Variants in PRICKLE2 observed in about 807,000 individuals in gnomAD.
PRICKLE2 encodes the protein prickle planar cell polarity protein 2, also known as prickle-like protein 2.
Under a neutral mutation model 81.4 loss-of-function variants are expected in PRICKLE2, and 21 were observed. The observed-to-expected ratio is 0.26, with a 90% CI of 0.18 to 0.37. PRICKLE2 has a LOEUF of 0.37. Ranked by LOEUF, PRICKLE2 falls within the 10% of genes least tolerant of loss-of-function variation. PRICKLE2 has a pLI of 1.00. For missense variants in PRICKLE2, 940 were observed against 1,109.0 expected, an observed-to-expected ratio of 0.85 and a Z score of 2.16; for synonymous variants, 456 against 421.5, an observed-to-expected ratio of 1.08 and a Z score of -1.00.
chr3:64,197,003 G>A (rs866450899), intron 2 of PRICKLE2, among the ~76,000 whole-genome samples: 10 of 152,122 alleles, frequency 6.6e-5, no homozygotes, highest in East Asian at 1.9e-4. Flanking sequence ...AAATCCTACC[G>A]TGTCCCTGAT....
At chr3:64,122,190 G>A (rs1450652361) in intron 7 of PRICKLE2, among the ~76,000 whole-genome samples, 1 of 152,186 alleles carries the variant, frequency 6.6e-6, no homozygotes, top group African/African-American at 2.4e-5. Context: ...GGGGTAGTTT[G>A]TTGACAGAAA....
chr3:64,220,071 A>G (rs934241639), intron 1 of PRICKLE2, among the ~76,000 whole-genome samples: 3 of 152,194 alleles, frequency 2.0e-5, no homozygotes, highest in African/African-American at 7.2e-5. Context: ...GACACCCAAA[A>G]CATACATTGC....
chr3:64,189,755 C>G (rs2107096949), intron 2 of PRICKLE2, among the ~76,000 whole-genome samples: 1 of 152,306 alleles, frequency 6.6e-6, no homozygotes, highest in South Asian at 2.1e-4. Flanking sequence ...CCGTCTCTAA[C>G]AGACTCACAT....
At chr3:64,168,067 C>G (rs2107056511) in intron 2 of PRICKLE2, among the ~76,000 whole-genome samples, 1 of 152,296 alleles carries the variant, frequency 6.6e-6, no homozygotes, top group Middle Eastern at 3.4e-3. Context: ...TGTCTCCTTC[C>G]ACACCTAGAT....
intron 1 of PRICKLE2, among the ~76,000 whole-genome samples, chr3:64,216,742 AT>A (rs199884551): frequency 0.023 from 3,461 of 152,272 alleles, 137 homozygotes; most frequent in African/African-American, 0.078. Context: ...CTTTCTACTT[AT>A]TCCCCTTTCA....
chr3:64,240,484 C>T (rs1484497359), intron 2 of PRICKLE2, among the ~76,000 whole-genome samples: 1 of 152,184 alleles, frequency 6.6e-6, no homozygotes, highest in East Asian at 1.9e-4. Flanking sequence ...AATATAGGAA[C>T]TCTGCAGGAC....
At chr3:64,179,068 TTCTC>T (rs1337093621) in intron 2 of PRICKLE2, among the ~76,000 whole-genome samples, 2 of 150,748 alleles carry the variant, frequency 1.3e-5, no homozygotes, top group African/African-American at 2.4e-5. Flanking sequence ...TCTTTTTCTT[TTCTC>T]TCTCTCTCTG....
At chr3:64,223,639 A>G (rs896724551) in intron 1 of PRICKLE2, among the ~76,000 whole-genome samples, 4 of 152,362 alleles carry the variant, frequency 2.6e-5, no homozygotes, top group Middle Eastern at 3.4e-3. Flanking sequence ...TGAAAAACAG[A>G]ATTCCCAAGG....
intron 1 of PRICKLE2, among the ~76,000 whole-genome samples, chr3:64,210,168 C>T (rs551050774): frequency 3.7e-4 from 57 of 152,218 alleles, no homozygotes; most frequent in Non-Finnish European, 5.7e-4. Flanking sequence ...TAGGAAACTT[C>T]GCGTCCTCCC....
intron 7 of PRICKLE2, among the ~76,000 whole-genome samples, chr3:64,139,814 T>A (rs1453186658): frequency 6.6e-6 from 1 of 152,220 alleles, no homozygotes; most frequent in African/African-American, 2.4e-5. Flanking sequence ...ACAGGGCCTT[T>A]ACACATGCTG....
chr3:64,110,477 C>A (rs929824484), intron 7 of PRICKLE2, among the ~76,000 whole-genome samples: 1 of 152,132 alleles, frequency 6.6e-6, no homozygotes, highest in Non-Finnish European at 1.5e-5. Context: ...GCAGGGAGAA[C>A]AGATAACCAA....
intron 7 of PRICKLE2, among the ~76,000 whole-genome samples, chr3:64,136,223 G>C (rs1404195778): frequency 1.3e-5 from 2 of 151,968 alleles, no homozygotes; most frequent in Non-Finnish European, 2.9e-5. Context: ...AGGGCTAAGA[G>C]AAGAGGCAGT....
In PRICKLE2 at chr3:64,147,792, G is replaced by T; in HGVS notation, c.788-90C>A. 1 of 1,403,510 alleles carries T rather than the reference G, an allele frequency of 7.1e-7. No individual in the cohort carries two copies. The highest frequency in any genetic ancestry group is 1.0e-6 in the Non-Finnish European group (1 of 992,498). 86.9% of individuals were successfully genotyped at this position (1,403,510 alleles called of 1,614,324 possible). Reference sequence around the variant, plus strand: ...ACACATAGCACCTTGGTTTGTCTCAGGATTCCAGGTGCGGCAGGATAAACT... The same window carrying T: ...ACACATAGCACCTTGGTTTGTCTCATGATTCCAGGTGCGGCAGGATAAACT... On this transcript the variant is annotated intron_variant, in intron 6 of 7. Coordinates refer to ENST00000638394, the MANE Select transcript of PRICKLE2 (RefSeq NM_198859.4). This position sits in a 1 kb window ranked among gnomAD's most constrained non-coding sequence, Gnocchi z 5.0.
At chr3:64,104,259 G>A (rs907841808) in intron 7 of PRICKLE2, among the ~76,000 whole-genome samples, 1 of 152,176 alleles carries the variant, frequency 6.6e-6, no homozygotes, top group Non-Finnish European at 1.5e-5. Flanking sequence ...AAAGCAGAGA[G>A]GAGAGGATAA....
Position 64,225,050 on chromosome 3 carries a change from C to T in PRICKLE2, c.-181G>A, listed in dbSNP as rs1321357348. 5.1e-6 allele frequency: 5 copies of T among 985,272 alleles called. No individual in the cohort carries two copies. Among genetic ancestry groups the T allele is most frequent in the Non-Finnish European group, 6.0e-6 (5 of 829,986 alleles). The allele number at this position is 985,272 out of a possible 1,614,324, so 61.0% of individuals were successfully genotyped here. On this transcript the variant is annotated 5_prime_UTR_variant, in exon 1 of 8. Coordinates refer to ENST00000638394, the MANE Select transcript of PRICKLE2 (RefSeq NM_198859.4). ...ACCTCAGGCAGCCAAAGCATCTTCT[C>T]CTCAAACCCCCTTTTCAGTCTGAAC... is the stretch of plus-strand genomic sequence containing the variant.
chr3:64,102,041 A>T (rs161656), intron 7 of PRICKLE2: 108,174 of 152,102 alleles, frequency 0.71, 38,733 homozygotes, highest in South Asian at 0.81. Flanking sequence ...AGAATGTATT[A>T]CCCGAATGCA....
chr3:64,129,917 C>T (rs1473578307), intron 7 of PRICKLE2, among the ~76,000 whole-genome samples: 1 of 152,134 alleles, frequency 6.6e-6, no homozygotes, highest in Non-Finnish European at 1.5e-5. Flanking sequence ...TCTGGGGAAC[C>T]CCTTCCCATC....
At chr3:64,157,032 C>G (rs2077646683) in intron 5 of PRICKLE2, 130 bp downstream of exon 5, 1 of 867,348 alleles carries the variant, frequency 1.2e-6, no homozygotes, top group Admixed American at 1.9e-5. Context: ...GCTTCTCTCC[C>G]AAAAGGGTTA....
intron 7 of PRICKLE2, chr3:64,101,331 T>C (rs545645253): frequency 6.6e-6 from 1 of 152,334 alleles, no homozygotes; most frequent in East Asian, 1.9e-4. Context: ...GATAAATATA[T>C]TGTGGTTTTT....
Sources: gnomAD v4.1 joint callset for allele counts (sites outside exome capture counted in the v4.1 genomes callset) on GRCh38, gnomAD v4.1.1 for gene constraint, Gnocchi (gnomAD v3.1) non-coding constraint, MANE v1.5 for transcripts, NCBI Gene and HGNC (gene_info 2026-07-23, HGNC 2026-07-21) for gene names.